Variants in FHL2 observed in about 807,000 individuals in gnomAD.
The protein encoded by FHL2 is four and a half LIM domains 2.
Under a neutral mutation model 32.7 loss-of-function variants are expected in FHL2, and 20 were observed. The observed-to-expected ratio is 0.61, with a 90% confidence interval of 0.43 to 0.89. The LOEUF (loss-of-function observed/expected upper bound fraction) is 0.89, where lower values mean the gene tolerates loss of function less well. Ranked by LOEUF, FHL2 falls within the 40% of genes least tolerant of loss-of-function variation. The probability of loss-of-function intolerance (pLI) is 0.00; values close to 1 mark genes in which losing one functional copy is unlikely to be tolerated. For synonymous variants in FHL2, 123 were observed against 128.1 expected (o/e 0.96, Z 0.27); for missense variants, 311 against 358.6 (o/e 0.87, Z 1.07).
At chr2:105,417,866 T>A (rs1030359356) in intron 1 of FHL2, among the ~76,000 whole-genome samples, 6 of 152,066 alleles carry the variant, frequency 3.9e-5, no homozygotes, top group African/African-American at 1.4e-4. Context: ...ATTACTAGTT[T>A]GGTTTGGAGC....
chr2:105,415,291 G>A (rs980947868), intron 1 of FHL2, among the ~76,000 whole-genome samples: 5 of 152,212 alleles, frequency 3.3e-5, no homozygotes, highest in Non-Finnish European at 7.3e-5. Context: ...TGTAAGAAAA[G>A]GATGTGTGGC....
chr2:105,365,127 G>A (rs1346390761), intron 5 of FHL2, among the ~76,000 whole-genome samples: 1 of 152,138 alleles, frequency 6.6e-6, no homozygotes, highest in Non-Finnish European at 1.5e-5. Context: ...AGCATAGCAT[G>A]ACTTTCTCAG....
chr2:105,418,363 A>C (rs1310149556), intron 1 of FHL2, among the ~76,000 whole-genome samples: 1 of 152,142 alleles, frequency 6.6e-6, no homozygotes, highest in Non-Finnish European at 1.5e-5. Flanking sequence ...ACTCTCCCCA[A>C]CAGAAACCAC....
At chr2:105,426,255 A>C (rs1202526412) in intron 1 of FHL2, among the ~76,000 whole-genome samples, 1 of 152,138 alleles carries the variant, frequency 6.6e-6, no homozygotes, top group East Asian at 1.9e-4. Flanking sequence ...AGCTTTCTAA[A>C]AGGCAATGTG....
At chr2:105,411,221 C>T (rs929967752) in intron 1 of FHL2, among the ~76,000 whole-genome samples, 3 of 152,158 alleles carry the variant, frequency 2.0e-5, no homozygotes, top group Non-Finnish European at 2.9e-5. Flanking sequence ...ACACCCACTG[C>T]GTCCTAAACT....
downstream of FHL2, chr2:105,360,580 TCTC>T (rs1680186986): frequency 2.0e-5 from 3 of 152,282 alleles, no homozygotes; most frequent in South Asian, 4.1e-4. Flanking sequence ...ATGGTCTTGA[TCTC>T]CTGACCTCAT....
intron 1 of FHL2, among the ~76,000 whole-genome samples, chr2:105,408,672 TGATGGCC>T (rs1400669286): frequency 4.6e-5 from 7 of 152,222 alleles, no homozygotes; most frequent in Non-Finnish European, 4.4e-5. Flanking sequence ...AGCATACACA[TGATGGCC>T]CTGATCCTAG....
downstream of FHL2, chr2:105,360,125 AC>A (rs1322021343): frequency 6.6e-6 from 1 of 151,760 alleles, no homozygotes; most frequent in African/African-American, 2.4e-5. Context: ...ACATGGTGAA[AC>A]CCCATCTCTA....
chr2:105,363,526 A>G, intron 5 of FHL2, 55 bp from the exon 6 acceptor site: 2 of 1,485,652 alleles, frequency 1.3e-6, no homozygotes, highest in Non-Finnish European at 1.8e-6. Flanking sequence ...AGACATCTTC[A>G]GTCTCAGCTA....
chr2:105,404,285 G>A (rs747694054), intron 1 of FHL2, among the ~76,000 whole-genome samples: 4 of 152,240 alleles, frequency 2.6e-5, no homozygotes, highest in Non-Finnish European at 5.9e-5. Flanking sequence ...ATTTGCCCTT[G>A]ATTCAGAGGC....
At chr2:105,421,573 C>T (rs1044134784) in intron 1 of FHL2, among the ~76,000 whole-genome samples, 1 of 150,930 alleles carries the variant, frequency 6.6e-6, no homozygotes, top group Non-Finnish European at 1.5e-5. Context: ...TCTCTGGCAA[C>T]AAAATGCTCC....
At chr2:105,367,494 A>ACC in intron 5 of FHL2, 76 bp downstream of exon 5, 1 of 1,457,758 alleles carries the variant, frequency 6.9e-7, no homozygotes, top group Admixed American at 2.1e-5. Flanking sequence ...TTGGTTTTGG[A>ACC]AAGAGAACTG....
chr2:105,394,904 T>C (rs926461073), intron 2 of FHL2, among the ~76,000 whole-genome samples: 5 of 152,232 alleles, frequency 3.3e-5, no homozygotes, highest in African/African-American at 1.2e-4. Context: ...TAAGGTAAAC[T>C]GCTGTCTTCT....
upstream of FHL2, chr2:105,399,353 C>T (rs751954746): frequency 6.5e-7 from 1 of 1,535,958 alleles, no homozygotes; most frequent in Non-Finnish European, 8.7e-7. Flanking sequence ...TGGCAGGGGT[C>T]TGCCCACGCC....
upstream of FHL2, chr2:105,399,593 C>A: frequency 6.5e-7 from 1 of 1,532,754 alleles, no homozygotes; most frequent in Non-Finnish European, 8.7e-7. Flanking sequence ...AAGGTCCTAT[C>A]CCCACCTCTC....
intron 2 of FHL2, among the ~76,000 whole-genome samples, chr2:105,393,563 C>T (rs956788711): frequency 1.3e-5 from 2 of 152,140 alleles, no homozygotes; most frequent in Admixed American, 1.3e-4. Flanking sequence ...GGGAAGGGTG[C>T]CCACTACCTG....
At chr2:105,370,015 T>C (rs1680913837) in intron 4 of FHL2, among the ~76,000 whole-genome samples, 1 of 152,176 alleles carries the variant, frequency 6.6e-6, no homozygotes, top group Admixed American at 6.5e-5. Flanking sequence ...AATCGCACAC[T>C]CTGAACCAAG....
At chr2:105,364,178 C>T (rs998640705) in intron 5 of FHL2, among the ~76,000 whole-genome samples, 1 of 152,152 alleles carries the variant, frequency 6.6e-6, no homozygotes, top group Admixed American at 6.5e-5. Flanking sequence ...ATCGCTTGAA[C>T]CCTGGAAACA....
At chr2:105,359,730 T>C (rs1238133488), downstream of FHL2, 1 of 152,232 alleles carries the variant, frequency 6.6e-6, no homozygotes, top group African/African-American at 2.4e-5. Flanking sequence ...TCTCCTGCTT[T>C]ACTGCCCTTT....
Sources: gnomAD v4.1 joint callset for allele counts (sites outside exome capture counted in the v4.1 genomes callset) on GRCh38, gnomAD v4.1.1 for gene constraint, MANE v1.5 for transcripts, NCBI Gene and HGNC (gene_info 2026-07-23, HGNC 2026-07-21) for gene names.